MRTFA: variants seen among roughly 807,000 people sequenced by gnomAD.
The protein encoded by MRTFA is myocardin-related transcription factor A.
MRTFA carries 20 observed loss-of-function variants against 83.5 expected under a neutral mutation model. The observed-to-expected ratio is 0.24, with a 90% CI of 0.17 to 0.35. The LOEUF is 0.35. Among genes scored for constraint, MRTFA ranks in the 10% least tolerant of loss-of-function variants. The pLI is 1.00. For synonymous variants in MRTFA, 659 were observed against 541.2 expected, an observed-to-expected ratio of 1.22 and a Z score of -3.02; for missense variants, 1,200 against 1,224.7, an observed-to-expected ratio of 0.98 and a Z score of 0.30.
At chr22:40,591,283 A>G (rs2147377474) in intron 2 of MRTFA, among the ~76,000 whole-genome samples, 1 of 152,152 alleles carries the variant, frequency 6.6e-6, no homozygotes, top group Admixed American at 6.5e-5. Context: ...TCTCAAAAAA[A>G]AAAAAAAAGA....
At chr22:40,463,611 C>T (rs1395384213) in intron 3 of MRTFA, among the ~76,000 whole-genome samples, 3 of 152,136 alleles carry the variant, frequency 2.0e-5, no homozygotes, top group Non-Finnish European at 4.4e-5. Context: ...CTCTTCCAAA[C>T]TCAAAATATC....
At chr22:40,455,989 T>TTG (rs1225629596) in intron 4 of MRTFA, among the ~76,000 whole-genome samples, 1 of 152,060 alleles carries the variant, frequency 6.6e-6, no homozygotes, top group East Asian at 1.9e-4. Flanking sequence ...TGGTTAATTT[T>TTG]TGTGTGTGTG....
At chr22:40,424,725 C>G (rs74864345) in intron 7 of MRTFA, among the ~76,000 whole-genome samples, 2,159 of 152,284 alleles carry the variant, frequency 0.014, 38 homozygotes, top group African/African-American at 0.048. Context: ...CTGGGAGACC[C>G]GGGCTACCTT....
chr22:40,562,863 T>TA (rs2055649527), intron 2 of MRTFA, among the ~76,000 whole-genome samples: 1 of 152,032 alleles, frequency 6.6e-6, no homozygotes, highest in Non-Finnish European at 1.5e-5. Flanking sequence ...CTTCTAGGTA[T>TA]CTATAGAGTT....
At chr22:40,417,194 C>A in intron 13 of MRTFA, 147 bp downstream of exon 13, 1 of 1,354,292 alleles carries the variant, frequency 7.4e-7, no homozygotes, top group Non-Finnish European at 1.0e-6. Flanking sequence ...TGGAGCCCGT[C>A]CCCTAACAAC....
At chr22:40,414,735 T>C (rs2052639332) in intron 14 of MRTFA, among the ~76,000 whole-genome samples, 1 of 152,130 alleles carries the variant, frequency 6.6e-6, no homozygotes, top group African/African-American at 2.4e-5. Context: ...GGAGTTACTG[T>C]CTAATGGGTA....
At chr22:40,472,506 CAT>C (rs752196209) in intron 3 of MRTFA, among the ~76,000 whole-genome samples, 85 of 152,244 alleles carry the variant, frequency 5.6e-4, no homozygotes, top group Non-Finnish European at 1.1e-3. Context: ...TGACAATAAA[CAT>C]GTTATTATTT....
chr22:40,487,961 GA>G (rs1324136317), intron 3 of MRTFA, among the ~76,000 whole-genome samples: 3 of 151,868 alleles, frequency 2.0e-5, no homozygotes, highest in Non-Finnish European at 4.4e-5. Flanking sequence ...ACACCGTGGA[GA>G]AAAAAAGAAG....
intron 3 of MRTFA, among the ~76,000 whole-genome samples, chr22:40,503,051 T>C (rs552928715): frequency 6.6e-6 from 1 of 152,324 alleles, no homozygotes; most frequent in East Asian, 1.9e-4. Context: ...GTAAAGCTTC[T>C]GAACAACCTG....
chr22:40,464,272 C>T (rs2053772305), intron 3 of MRTFA, among the ~76,000 whole-genome samples: 1 of 143,050 alleles, frequency 7.0e-6, no homozygotes. Flanking sequence ...CTCTCTCTCA[C>T]TCCAGCCTGG....
intron 2 of MRTFA, among the ~76,000 whole-genome samples, chr22:40,583,528 G>C (rs182036319): frequency 1.2e-4 from 19 of 152,292 alleles, no homozygotes; most frequent in Non-Finnish European, 2.5e-4. Flanking sequence ...AGACTCTCTA[G>C]GTCAGGGGTT....
intron 14 of MRTFA, among the ~76,000 whole-genome samples, chr22:40,414,010 C>G (rs767806043): frequency 3.9e-5 from 6 of 152,312 alleles, no homozygotes; most frequent in South Asian, 2.1e-4. Flanking sequence ...GCAGTGGACA[C>G]AGTTTAGTGA....
rs893318005 is a variant in MRTFA, at chr22:40,411,842, C to T, written c.2644G>A (p.Val882Ile). Residue 882 changes from valine to isoleucine, a missense_variant, in exon 15 of 15, where the codon GTC (valine) becomes ATC (isoleucine). Physicochemically the swap from Val to Ile is conservative, Grantham distance 29 (BLOSUM62 3). This residue lies in a region of MRTFA where 1,107 missense variants were observed against 1,041.8 expected (regional missense o/e 1.06). Transcript: ENST00000355630. ...TGTGCTGCCAGGGGGGACCCACAGA[C>T]TGTCTTCGGGGATGGCTTCTCCTTC... 1.3e-6 allele frequency: 2 copies of T among 1,507,332 alleles called. No homozygotes were observed. Among genetic ancestry groups the T allele is most frequent in the East Asian group, 2.3e-5 (1 of 43,070 alleles). 93.4% of individuals were successfully genotyped at this position (1,507,332 alleles called of 1,614,324 possible). A position where few individuals can be genotyped will look rare whatever the true frequency, so the allele number is the denominator to read the frequency against.
intron 3 of MRTFA, among the ~76,000 whole-genome samples, chr22:40,488,757 C>G (rs2054216743): frequency 3.3e-5 from 5 of 152,116 alleles, no homozygotes; most frequent in Admixed American, 3.3e-4. Flanking sequence ...CACTTAAACC[C>G]TGGACATGGA....
intron 4 of MRTFA, among the ~76,000 whole-genome samples, chr22:40,461,236 A>C (rs2053706558): frequency 6.6e-6 from 1 of 151,208 alleles, no homozygotes. Context: ...AAAAAAGTTA[A>C]AAGAAATAGA....
intron 14 of MRTFA, 155 bp from the exon 15 acceptor site, chr22:40,412,062 C>CTT: frequency 1.8e-6 from 1 of 542,538 alleles, no homozygotes; most frequent in Non-Finnish European, 2.9e-6. Context: ...CTATAAAACT[C>CTT]TTTAAAAATA....
At chr22:40,612,070 C>G (rs1602494357) in intron 1 of MRTFA, among the ~76,000 whole-genome samples, 1 of 152,164 alleles carries the variant, frequency 6.6e-6, no homozygotes, top group Non-Finnish European at 1.5e-5. Flanking sequence ...ATTCTAAGAA[C>G]AGCTTATCCA....
intron 3 of MRTFA, among the ~76,000 whole-genome samples, chr22:40,496,437 TTTTG>T (rs2054357196): frequency 6.7e-6 from 1 of 148,714 alleles, no homozygotes; most frequent in East Asian, 2.0e-4. Context: ...TCTTTCTCCC[TTTTG>T]TTTATCTGTA....
At chr22:40,554,629 C>G (rs766544992) in intron 2 of MRTFA, among the ~76,000 whole-genome samples, 4 of 152,176 alleles carry the variant, frequency 2.6e-5, no homozygotes, top group African/African-American at 9.7e-5. Flanking sequence ...TATAAACTAC[C>G]CAATCTTGGG....
Sources: gnomAD v4.1 joint callset for allele counts (sites outside exome capture counted in the v4.1 genomes callset) on GRCh38, gnomAD v4.1.1 for gene constraint, gnomAD v4.1.1 regional missense constraint, MANE v1.5 for transcripts, NCBI Gene and HGNC (gene_info 2026-07-23, HGNC 2026-07-21) for gene names.